GRIP2: variants seen among roughly 807,000 people sequenced by gnomAD.
GRIP2 encodes glutamate receptor-interacting protein 2.
GRIP2 carries 58 observed loss-of-function variants against 108.3 expected under a neutral mutation model. That is an observed-to-expected ratio of 0.54 (90% CI 0.43 to 0.67). The LOEUF is 0.67. Ranked by LOEUF, GRIP2 falls within the 30% of genes least tolerant of loss-of-function variation. The pLI is 0.00. For synonymous variants in GRIP2, 586 were observed against 598.2 expected, an observed-to-expected ratio of 0.98 and a Z score of 0.30; for missense variants, 1,278 against 1,430.6, an observed-to-expected ratio of 0.89 and a Z score of 1.72.
chr3:14,503,409 T>C (rs548106288), intron 21 of GRIP2, among the ~76,000 whole-genome samples, 157 bp downstream of exon 21: 2 of 152,362 alleles, frequency 1.3e-5, no homozygotes, highest in South Asian at 2.1e-4. Flanking sequence ...TCTGTACATA[T>C]GTGAAGACAC....
Position 14,521,876 on chromosome 3 carries a change from G to T in GRIP2, c.567-89C>A. On this transcript the variant is annotated intron_variant, in intron 6 of 23. Coordinates refer to ENST00000621039, the MANE Select transcript of GRIP2 (RefSeq NM_001080423.4). This position sits in a 1 kb window ranked among gnomAD's most constrained non-coding sequence, Gnocchi z 5.1. ...GGGCGCTGGGAAGCGGGACATGGAG[G>T]ATGAAGAAGCAGGGAATGGGTGGGG... 4.8e-6 allele frequency: 5 copies of T among 1,042,798 alleles called. No homozygotes were observed. The highest frequency in any genetic ancestry group is 5.2e-6 in the Non-Finnish European group (4 of 775,868). The allele number at this position is 1,042,798 out of a possible 1,614,324, so 64.6% of individuals were successfully genotyped here.
chr3:14,515,260 T>C (rs893409121), intron 11 of GRIP2, among the ~76,000 whole-genome samples: 3 of 152,254 alleles, frequency 2.0e-5, no homozygotes, highest in Admixed American at 6.5e-5. Flanking sequence ...CTGCGTTCCT[T>C]CCACTATTTG....
the GRIP2 span, among the ~76,000 whole-genome samples, chr3:14,575,933 G>A: frequency 6.6e-6 from 1 of 152,244 alleles, no homozygotes; most frequent in Non-Finnish European, 1.5e-5. Context: ...GCTTGGGTAG[G>A]TGAGTCTGGA....
At chr3:14,594,109 G>GC in the GRIP2 span, among the ~76,000 whole-genome samples, 1 of 152,168 alleles carries the variant, frequency 6.6e-6, no homozygotes, top group African/African-American at 2.4e-5. Flanking sequence ...GCCTGGGATG[G>GC]CCCTGAAGAG....
chr3:14,595,278 T>G, the GRIP2 span, among the ~76,000 whole-genome samples: 2 of 152,160 alleles, frequency 1.3e-5, no homozygotes, highest in Non-Finnish European at 2.9e-5. Flanking sequence ...TCCTCCTGCC[T>G]CAACCTCCCA....
chr3:14,573,139 T>G, the GRIP2 span: 1 of 1,432,344 alleles, frequency 7.0e-7, no homozygotes, highest in Non-Finnish European at 9.8e-7. Context: ...AGCCCAAAGG[T>G]GCAGAGGAAG....
At chr3:14,547,611 T>A (rs1695077418) in intron 1 of GRIP2, among the ~76,000 whole-genome samples, 2 of 152,140 alleles carry the variant, frequency 1.3e-5, no homozygotes, top group South Asian at 4.1e-4. Context: ...CAGCTAAGTG[T>A]CTTAGAAAAC....
the GRIP2 span, chr3:14,572,952 A>G: frequency 4.1e-6 from 6 of 1,458,240 alleles, no homozygotes; most frequent in Non-Finnish European, 5.8e-6. Context: ...ATAGAAGTAG[A>G]AGAGGACCAC....
Position 14,522,886 on chromosome 3 carries a change from CAG to C in GRIP2, c.566+112_566+113del, listed in dbSNP as rs1694452017. 10 of 860,912 alleles carry C rather than the reference CAG, an allele frequency of 1.2e-5. No individual in the cohort carries two copies. The South Asian group carries it at 1.4e-4, about 12-fold the overall frequency. The allele number at this position is 860,912 out of a possible 1,614,324, so 53.3% of individuals were successfully genotyped here. A position where few individuals can be genotyped will look rare whatever the true frequency, so the allele number is the denominator to read the frequency against. ...TGACACCGGGCAGGGAGTGTTCCCTCAGGGCCTCGATCTCTTCATCTGGGGAA... is the reference window on the plus strand; with the variant it reads ...TGACACCGGGCAGGGAGTGTTCCCTCGGCCTCGATCTCTTCATCTGGGGAA... On this transcript the variant is annotated intron_variant, in intron 6 of 23. Transcript: ENST00000621039. The surrounding 1 kb of genome is among the most constrained non-coding windows in gnomAD (Gnocchi z 4.3).
At position 14,493,356 on chromosome 3, in the gene GRIP2, A is replaced by G; in HGVS notation, c.*309T>C. On this transcript the variant is annotated 3_prime_UTR_variant, in exon 24 of 24. Transcript: ENST00000621039. ...AGGAGGCCCCACAGAGACCTGGGAC[A>G]GCCCCCAGGCCTCTCTCCTCTCGGC... 3.0e-6 allele frequency: 1 copy of G among 335,662 alleles called. No individual in the cohort carries two copies. The highest frequency in any genetic ancestry group is 5.4e-6 in the Non-Finnish European group (1 of 184,002). The allele number at this position is 335,662 out of a possible 1,614,324, so 20.8% of individuals were successfully genotyped here. A position where few individuals can be genotyped will look rare whatever the true frequency, so the allele number is the denominator to read the frequency against.
At chr3:14,548,895 G>A (rs1270917952) in intron 1 of GRIP2, among the ~76,000 whole-genome samples, 1 of 152,134 alleles carries the variant, frequency 6.6e-6, no homozygotes, top group Non-Finnish European at 1.5e-5. Context: ...CCTTTGCCTG[G>A]AATGTTCTTC....
At chr3:14,524,661 C>T (rs1694505703) in intron 3 of GRIP2, 123 bp from the exon 4 acceptor site, 9 of 1,159,596 alleles carry the variant, frequency 7.8e-6, no homozygotes, top group Non-Finnish European at 1.1e-5. Context: ...AATGGGGAAG[C>T]TGAGGCTTAG....
intron 1 of GRIP2, among the ~76,000 whole-genome samples, chr3:14,531,667 A>AT: frequency 6.6e-6 from 1 of 152,122 alleles, no homozygotes; most frequent in East Asian, 1.9e-4. Context: ...GATCACACCC[A>AT]TTTGACAGAC....
intron 4 of GRIP2, 54 bp downstream of exon 4, chr3:14,524,339 G>A (rs748322780): frequency 1.2e-4 from 189 of 1,568,778 alleles, no homozygotes; most frequent in Non-Finnish European, 1.4e-4. Flanking sequence ...GGAGGTAGCC[G>A]TGTCCACCCG....
chr3:14,523,122 C>T (rs1394763976), intron 5 of GRIP2, 47 bp from the exon 6 acceptor site: 2 of 1,441,134 alleles, frequency 1.4e-6, no homozygotes, highest in Admixed American at 3.7e-5. Flanking sequence ...CCACCCCTTC[C>T]CATCCAGAGG....
chr3:14,533,877 T>C (rs1448095746), intron 1 of GRIP2, among the ~76,000 whole-genome samples: 2 of 152,214 alleles, frequency 1.3e-5, no homozygotes, highest in East Asian at 3.8e-4. Context: ...TTTTCCCAGC[T>C]GTCAGAGACT....
intron 1 of GRIP2, among the ~76,000 whole-genome samples, chr3:14,534,605 C>T (rs1252507141): frequency 6.6e-6 from 1 of 151,884 alleles, no homozygotes; most frequent in East Asian, 1.9e-4. Context: ...CCTGTAGGAA[C>T]TCGCTTCAGA....
upstream of GRIP2, among the ~76,000 whole-genome samples, chr3:14,557,099 G>C (rs1375297949): frequency 6.6e-6 from 1 of 152,206 alleles, no homozygotes; most frequent in African/African-American, 2.4e-5. Flanking sequence ...TGAGAAAGTC[G>C]GAGGGTTCCC....
chr3:14,499,027 T>G (rs767357160), intron 21 of GRIP2, among the ~76,000 whole-genome samples: 1 of 152,090 alleles, frequency 6.6e-6, no homozygotes, highest in Non-Finnish European at 1.5e-5. Context: ...GGATAGAGAC[T>G]GGAAAATGTC....
Sources: allele counts gnomAD v4.1 joint callset (sites outside exome capture counted in the v4.1 genomes callset), GRCh38; gene constraint gnomAD v4.1.1; non-coding constraint Gnocchi (gnomAD v3.1); transcripts MANE v1.5; gene names NCBI Gene and HGNC (gene_info 2026-07-23, HGNC 2026-07-21).